KCNC2: variants seen among roughly 807,000 people sequenced by gnomAD.
KCNC2 encodes the protein potassium voltage-gated channel subfamily C member 2.
In KCNC2, 21 loss-of-function variants were observed where a neutral mutation model predicts 44.5. The ratio of observed to expected loss-of-function variants is 0.47; its 90% CI spans 0.33 to 0.68. The LOEUF is 0.68. KCNC2 is among the 30% of genes least tolerant of loss of function. The probability of loss-of-function intolerance (pLI) is 0.01; values close to 1 mark genes in which losing one functional copy is unlikely to be tolerated. For missense variants in KCNC2, 589 were observed against 826.2 expected, an observed-to-expected ratio of 0.71 and a Z score of 3.52; for synonymous variants, 391 against 339.1, an observed-to-expected ratio of 1.15 and a Z score of -1.68.
chr12:75,107,671 T>C (rs1007629602), intron 2 of KCNC2, among the ~76,000 whole-genome samples: 2 of 151,622 alleles, frequency 1.3e-5, no homozygotes, highest in African/African-American at 4.9e-5. Flanking sequence ...ATTTCGAGTT[T>C]AAACGTCAAA....
chr12:75,062,781 T>G (rs927907326), intron 2 of KCNC2, among the ~76,000 whole-genome samples: 1 of 152,062 alleles, frequency 6.6e-6, no homozygotes, highest in South Asian at 2.1e-4. Context: ...CTATTAAATA[T>G]TTAATGGAGT....
At chr12:75,053,084 A>G (rs527541257) in intron 2 of KCNC2, among the ~76,000 whole-genome samples, 26 of 152,280 alleles carry the variant, frequency 1.7e-4, no homozygotes, top group Non-Finnish European at 3.2e-4. Flanking sequence ...ACTTAGTATC[A>G]TAAAGATCCT....
chr12:75,091,949 G>T (rs759292273), intron 2 of KCNC2, among the ~76,000 whole-genome samples: 1 of 151,578 alleles, frequency 6.6e-6, no homozygotes, highest in South Asian at 2.1e-4. Flanking sequence ...GTAATTAGTT[G>T]ATTGAAGATA....
chr12:75,141,802 A>G (rs879491072), intron 2 of KCNC2, among the ~76,000 whole-genome samples: 2 of 152,134 alleles, frequency 1.3e-5, no homozygotes, highest in Non-Finnish European at 2.9e-5. Context: ...AGAGTAAAAA[A>G]TTTTACATGC....
intron 2 of KCNC2, among the ~76,000 whole-genome samples, chr12:75,184,706 G>A (rs750850154): frequency 6.6e-6 from 1 of 152,150 alleles, no homozygotes; most frequent in Non-Finnish European, 1.5e-5. Flanking sequence ...GGTTCACCAA[G>A]CACAGTGTTC....
intron 2 of KCNC2, among the ~76,000 whole-genome samples, chr12:75,174,670 C>A (rs1373594651): frequency 6.6e-6 from 1 of 151,788 alleles, no homozygotes; most frequent in Non-Finnish European, 1.5e-5. Flanking sequence ...CCTTCCATTC[C>A]CCAACTACTG....
chr12:75,178,733 A>T (rs1390938760), intron 2 of KCNC2, among the ~76,000 whole-genome samples: 1 of 152,218 alleles, frequency 6.6e-6, no homozygotes, highest in Non-Finnish European at 1.5e-5. Flanking sequence ...ACATGAAAAC[A>T]TTCAAAACAT....
At chr12:75,050,261 A>T in intron 3 of KCNC2, 129 bp downstream of exon 3, 3 of 697,224 alleles carry the variant, frequency 4.3e-6, no homozygotes, top group Non-Finnish European at 7.4e-6. Flanking sequence ...ACACAAACAC[A>T]CATTTCGTGA....
chr12:75,065,769 G>T (rs1472377548), intron 2 of KCNC2, among the ~76,000 whole-genome samples: 1 of 152,044 alleles, frequency 6.6e-6, no homozygotes, highest in Non-Finnish European at 1.5e-5. Context: ...ACCTAATGGT[G>T]CATTTCTCAA....
At chr12:75,139,041 A>G (rs1263926256) in intron 2 of KCNC2, among the ~76,000 whole-genome samples, 2 of 151,082 alleles carry the variant, frequency 1.3e-5, no homozygotes, top group African/African-American at 4.9e-5. Context: ...AAAATGGGAT[A>G]CCGGTTAGAG....
chr12:75,042,218 TAAAGA>T lies in KCNC2; in HGVS notation c.*882_*886del. On this transcript the variant is annotated 3_prime_UTR_variant, in exon 5 of 5. Transcript: ENST00000549446. ...ACAAACCCTGGGTATTTTTTTTTTT[TAAAGA>T]GTCTAGAACCAAGCAGCAATTTCTG... 1 of 1,335,898 alleles carries T rather than the reference TAAAGA, an allele frequency of 7.5e-7. No individual in the cohort carries two copies. 82.8% of individuals were successfully genotyped at this position (1,335,898 alleles called of 1,614,324 possible).
At chr12:75,051,456 G>A in intron 2 of KCNC2, 139 bp from the exon 3 acceptor site, 1 of 576,846 alleles carries the variant, frequency 1.7e-6, no homozygotes, top group Non-Finnish European at 3.0e-6. Context: ...ATGACCTAAG[G>A]AAAAGAAGAT....
intron 2 of KCNC2, among the ~76,000 whole-genome samples, chr12:75,140,893 A>G (rs1289032939): frequency 2.0e-5 from 3 of 152,128 alleles, no homozygotes; most frequent in African/African-American, 7.2e-5. Context: ...AAAAAACAAA[A>G]AACAAACTTA....
chr12:75,160,793 C>T (rs1891072349), intron 2 of KCNC2, among the ~76,000 whole-genome samples: 1 of 151,796 alleles, frequency 6.6e-6, no homozygotes, highest in Admixed American at 6.6e-5. Context: ...AAGTATTTAA[C>T]ATCTCAGTTA....
At chr12:75,056,132 G>T (rs1301157682) in intron 2 of KCNC2, among the ~76,000 whole-genome samples, 1 of 151,980 alleles carries the variant, frequency 6.6e-6, no homozygotes, top group African/African-American at 2.4e-5. Context: ...ATGACTTAAA[G>T]CAAGAAGTAG....
intron 2 of KCNC2, among the ~76,000 whole-genome samples, chr12:75,080,516 A>G (rs1408623474): frequency 1.3e-5 from 2 of 152,148 alleles, no homozygotes; most frequent in East Asian, 3.9e-4. Context: ...CAGAGATTTA[A>G]TTTACAAAAG....
At chr12:75,115,526 A>G (rs1364379460) in intron 2 of KCNC2, among the ~76,000 whole-genome samples, 1 of 152,174 alleles carries the variant, frequency 6.6e-6, no homozygotes, top group Non-Finnish European at 1.5e-5. Context: ...AGTTTGTCCC[A>G]TGTCTCGTTA....
intron 2 of KCNC2, among the ~76,000 whole-genome samples, chr12:75,155,467 T>A (rs1165776864): frequency 1.3e-5 from 2 of 151,800 alleles, no homozygotes; most frequent in Admixed American, 1.3e-4. Context: ...TTCAAGAGAA[T>A]GAAGTCAGTA....
At chr12:75,179,821 ATTAACTATTGATT>A (rs1449460212) in intron 2 of KCNC2, among the ~76,000 whole-genome samples, 2 of 150,614 alleles carry the variant, frequency 1.3e-5, no homozygotes, top group Non-Finnish European at 3.0e-5. Context: ...GGAAAAATAT[ATTAACTATTGATT>A]TTTCTAATGA....
Sources: gnomAD v4.1 joint callset for allele counts (sites outside exome capture counted in the v4.1 genomes callset) on GRCh38, gnomAD v4.1.1 for gene constraint, MANE v1.5 for transcripts, NCBI Gene and HGNC (gene_info 2026-07-23, HGNC 2026-07-21) for gene names.